The following LMO7 variants were observed in gnomAD, a reference collection of about 807,000 sequenced individuals.
LMO7 encodes LIM domain 7.
LMO7 carries 120 observed loss-of-function variants against 206.5 expected under a neutral mutation model. That is an observed-to-expected ratio of 0.58 (90% CI 0.50 to 0.68). The LOEUF (loss-of-function observed/expected upper bound fraction) is 0.68. Among genes scored for constraint, LMO7 ranks in the 30% least tolerant of loss-of-function variants. LMO7 has a pLI of 0.00. For missense variants in LMO7, 1,959 were observed against 1,957.9 expected, an observed-to-expected ratio of 1.00 and a Z score of -0.01; for synonymous variants, 706 against 681.5, an observed-to-expected ratio of 1.04 and a Z score of -0.56.
chr13:75,634,868 T>C (rs1448307368), upstream of LMO7, among the ~76,000 whole-genome samples: 2 of 151,792 alleles, frequency 1.3e-5, no homozygotes, highest in Non-Finnish European at 2.9e-5. Context: ...TAGCTGGGCA[T>C]GGTGGTGGGC....
At chr13:75,850,804 C>T (rs2060434091) in intron 27 of LMO7, among the ~76,000 whole-genome samples, 2 of 151,716 alleles carry the variant, frequency 1.3e-5, no homozygotes, top group African/African-American at 2.4e-5. Flanking sequence ...TTCTGCCACA[C>T]ATTCTTTTTT....
intron 1 of LMO7, among the ~76,000 whole-genome samples, chr13:75,700,059 T>G (rs1230520454): frequency 6.6e-6 from 1 of 152,236 alleles, no homozygotes; most frequent in African/African-American, 2.4e-5. Context: ...TATGACTCTG[T>G]TCTGCCCGGC....
chr13:75,741,765 G>A (rs2046431480), intron 3 of LMO7, among the ~76,000 whole-genome samples: 1 of 152,158 alleles, frequency 6.6e-6, no homozygotes, highest in Non-Finnish European at 1.5e-5. Flanking sequence ...CAAACCCAGA[G>A]ATGACATCAT....
chr13:75,692,017 G>T lies in LMO7; in HGVS notation c.70-21165G>T, dbSNP rs77390953. Among the ~76,000 whole-genome samples the T allele has an allele frequency of 5.0e-3, 766 of 152,218 alleles. 8 individuals are homozygous for T. Among genetic ancestry groups the T allele is most frequent in the African/African-American group, 0.018 (734 of 41,528 alleles). The stretch of plus-strand genomic sequence containing the variant: ...AATTTCCTGGGGAGGCTTCACCTTT[G>T]CATTATTAAATCCCAATATCTTACC... On this transcript the variant is annotated intron_variant, in intron 1 of 30. Coordinates refer to ENST00000377534, the MANE Select transcript of LMO7 (RefSeq NM_001306080.2).
At chr13:75,659,047 A>ACTCT (rs35268719) in intron 1 of LMO7, among the ~76,000 whole-genome samples, 78,834 of 151,434 alleles carry the variant, frequency 0.52, 20,750 homozygotes, top group Admixed American at 0.62. Context: ...CTTTCCTTCC[A>ACTCT]CTCATTATTT....
intron 1 of LMO7, among the ~76,000 whole-genome samples, chr13:75,671,855 C>T (rs941998712): frequency 6.6e-6 from 1 of 152,024 alleles, no homozygotes; most frequent in African/African-American, 2.4e-5. Flanking sequence ...CTCCCCTTCT[C>T]TAAAGGCTCT....
chr13:75,826,207 A>G (rs2058098877), intron 15 of LMO7, among the ~76,000 whole-genome samples: 1 of 151,686 alleles, frequency 6.6e-6, no homozygotes, highest in Non-Finnish European at 1.5e-5. Flanking sequence ...CGCCTGGCTA[A>G]TTTTCGTATT....
At chr13:75,736,131 A>G (rs979082608) in intron 3 of LMO7, among the ~76,000 whole-genome samples, 4 of 152,228 alleles carry the variant, frequency 2.6e-5, no homozygotes, top group African/African-American at 9.6e-5. Context: ...CTCTCCAAGT[A>G]TTTCTATTTC....
chr13:75,636,224 G>C (rs983447827), upstream of LMO7: 50 of 913,562 alleles, frequency 5.5e-5, no homozygotes, highest in African/African-American at 7.9e-4. Context: ...GCCAAGGGAG[G>C]GGCAGACGGA....
rs769745733 is a variant in LMO7 at position 75,841,607 on chromosome 13, C to CT, written c.3676-15dup. 4.6e-6 allele frequency: 7 copies of CT among 1,508,990 alleles called. No individual in the cohort carries two copies. The East Asian group carries it at 6.8e-5, about 15-fold the overall frequency. 93.5% of individuals were successfully genotyped at this position (1,508,990 alleles called of 1,614,324 possible). ...GAAATAAACAGATTTAGATGGATTT[C>CT]TTTTTTCACTGGTCACCTAGGAACT... On this transcript the variant is annotated intron_variant, in intron 23 of 30. Transcript: ENST00000377534.
intron 1 of LMO7, 147 bp from the exon 2 acceptor site, chr13:75,713,035 A>T: frequency 4.0e-6 from 2 of 500,956 alleles, no homozygotes; most frequent in Non-Finnish European, 3.5e-6. Flanking sequence ...ACATATTCCT[A>T]TAAGGAACAG....
At chr13:75,685,527 G>T (rs1432328432) in intron 1 of LMO7, among the ~76,000 whole-genome samples, 1 of 152,156 alleles carries the variant, frequency 6.6e-6, no homozygotes, top group Non-Finnish European at 1.5e-5. Flanking sequence ...TTGTCAACAG[G>T]GGGAAGCACT....
chr13:75,849,014 G>C, intron 26 of LMO7, 65 bp from the exon 27 acceptor site: 1 of 924,090 alleles, frequency 1.1e-6, no homozygotes, highest in Non-Finnish European at 1.7e-6. Context: ...CACTAGTGAT[G>C]TCAATCATCA....
At position 75,823,856 on chromosome 13, in the gene LMO7, G is replaced by A. The variant is rs1239643066; in HGVS notation, c.2932G>A (p.Glu978Lys). 6.2e-7 allele frequency: 1 copy of A among 1,613,766 alleles called. No homozygotes were observed. Among genetic ancestry groups the A allele is most frequent in the Non-Finnish European group, 8.5e-7 (1 of 1,179,750 alleles). The change falls in exon 15 of 31, where the codon GAA (glutamate) becomes AAA (lysine). Residue 978 changes from glutamate (E) to lysine (K), a missense_variant. Glu to Lys is a moderately conservative substitution (Grantham distance 56). Transcript: ENST00000377534. ...SGEGEISPQREVSRSQDQFSD... is the reference protein window; with the variant it reads ...SGEGEISPQRKVSRSQDQFSD... ...AGAAGGGGAAATCTCCCCACAAAGA[G>A]AAGTCTCAAGATCCCAGGTGAGTTT...
intron 4 of LMO7, 46 bp from the exon 5 acceptor site, chr13:75,795,355 T>A (rs1442470927): frequency 7.7e-7 from 1 of 1,299,282 alleles, no homozygotes; most frequent in African/African-American, 1.5e-5. Flanking sequence ...AATTAATAAT[T>A]TAAGGTTCAC....
intron 1 of LMO7, among the ~76,000 whole-genome samples, chr13:75,677,042 A>G (rs544549030): frequency 6.6e-6 from 1 of 152,338 alleles, no homozygotes; most frequent in South Asian, 2.1e-4. Context: ...GACCTTATTT[A>G]TGATATGGAA....
At chr13:75,806,964 TACAAAA>T (rs1194417146) in intron 9 of LMO7, 1 of 155,818 alleles carries the variant, frequency 6.4e-6, no homozygotes, top group Non-Finnish European at 1.4e-5. Context: ...CTACTAAATA[TACAAAA>T]ATTAGCCAGG....
chr13:75,699,984 G>T (rs2042172245), intron 1 of LMO7, among the ~76,000 whole-genome samples: 1 of 152,178 alleles, frequency 6.6e-6, no homozygotes, highest in African/African-American at 2.4e-5. Context: ...TTTTCCCAGG[G>T]CTGTTCCTTG....
intron 1 of LMO7, among the ~76,000 whole-genome samples, chr13:75,653,061 C>T (rs573367759): frequency 1.8e-4 from 27 of 152,328 alleles, no homozygotes; most frequent in African/African-American, 6.3e-4. Context: ...TTTCCCTACA[C>T]TCTTTCATTC....
Sources: allele counts gnomAD v4.1 joint callset (sites outside exome capture counted in the v4.1 genomes callset), GRCh38; gene constraint gnomAD v4.1.1; transcripts MANE v1.5; gene names NCBI Gene and HGNC (gene_info 2026-07-23, HGNC 2026-07-21).